Variants in HIBADH observed in about 807,000 individuals in gnomAD.
HIBADH encodes 3-hydroxyisobutyrate dehydrogenase, mitochondrial.
Under a neutral mutation model 36.1 loss-of-function variants are expected in HIBADH, and 25 were observed. That is an observed-to-expected ratio of 0.69 (90% CI 0.50 to 0.97). HIBADH has a LOEUF of 0.97. HIBADH is among the 50% of genes least tolerant of loss of function. The pLI is 0.00. For missense variants in HIBADH, 421 were observed against 418.0 expected (o/e 1.01, Z -0.06); for synonymous variants, 160 against 149.5 (o/e 1.07, Z -0.51).
At chr7:27,661,642 C>T (rs1786421378) in intron 1 of HIBADH, among the ~76,000 whole-genome samples, 1 of 149,572 alleles carries the variant, frequency 6.7e-6, no homozygotes. Flanking sequence ...AATCCTAACC[C>T]ACTATTTTTT....
chr7:27,562,010 T>C (rs951348536), intron 4 of HIBADH, among the ~76,000 whole-genome samples: 2 of 152,120 alleles, frequency 1.3e-5, no homozygotes, highest in African/African-American at 2.4e-5. Flanking sequence ...TTTAGGGGTG[T>C]GTGTCTTATA....
intron 5 of HIBADH, among the ~76,000 whole-genome samples, chr7:27,539,897 ATATT>A (rs1438157125): frequency 6.6e-6 from 1 of 152,150 alleles, no homozygotes; most frequent in African/African-American, 2.4e-5. Context: ...AAGATAAAAT[ATATT>A]TATTATTCAT....
intron 5 of HIBADH, among the ~76,000 whole-genome samples, chr7:27,538,936 G>A (rs1057206197): frequency 1.3e-5 from 2 of 152,086 alleles, no homozygotes; most frequent in Admixed American, 1.3e-4. Context: ...CCGGGGCGAA[G>A]GGTAAATATA....
intron 2 of HIBADH, among the ~76,000 whole-genome samples, chr7:27,634,892 G>C (rs889571569): frequency 6.6e-6 from 1 of 152,174 alleles, no homozygotes; most frequent in Non-Finnish European, 1.5e-5. Context: ...TGCATCCCTA[G>C]CATCTGCTTC....
chr7:27,572,224 T>C (rs1784640394), intron 4 of HIBADH, among the ~76,000 whole-genome samples: 2 of 152,238 alleles, frequency 1.3e-5, no homozygotes, highest in South Asian at 4.1e-4. Flanking sequence ...TTCAGATTAC[T>C]ACTCGATTAT....
chr7:27,543,442 T>C lies in HIBADH; in HGVS notation c.485-342A>G, dbSNP rs4722718. 7.9e-3 allele frequency among the ~76,000 whole-genome samples: 1,206 copies of C among 152,208 alleles called. 12 individuals are homozygous for C. Among genetic ancestry groups the C allele is most frequent in the African/African-American group, 0.023 (946 of 41,538 alleles). On this transcript the variant is annotated intron_variant, in intron 4 of 7. Transcript: ENST00000265395. Reference sequence around the variant, plus strand: ...TATTCTCCTAAGAAACCTACTAAGTTATAGAAAGTATACAAAAAAAAAGTT... The same window carrying C: ...TATTCTCCTAAGAAACCTACTAAGTCATAGAAAGTATACAAAAAAAAAGTT...
At position 27,625,040 on chromosome 7, in the gene HIBADH, G is replaced by A. The variant is rs572985656; in HGVS notation, c.484+4331C>T. Among the ~76,000 whole-genome samples, 217 of 152,204 alleles carry A rather than the reference G, an allele frequency of 1.4e-3. 1 individual carries two copies. The highest frequency in any genetic ancestry group is 5.0e-3 in the African/African-American group (208 of 41,510). ...GAAAAAATAGTGATGTATTTATATA[G>A]AACAATACCACAGAGCAGTTAAAAT... On this transcript the variant is annotated intron_variant, in intron 4 of 7. Coordinates refer to ENST00000265395, the MANE Select transcript of HIBADH (RefSeq NM_152740.4).
intron 4 of HIBADH, among the ~76,000 whole-genome samples, chr7:27,578,766 C>CT (rs1400680440): frequency 6.6e-6 from 1 of 152,170 alleles, no homozygotes; most frequent in Admixed American, 6.5e-5. Flanking sequence ...TAGTCAAACT[C>CT]TGCTTCCTTG....
At chr7:27,643,482 TA>T (rs1299023724) in intron 2 of HIBADH, among the ~76,000 whole-genome samples, 1 of 152,174 alleles carries the variant, frequency 6.6e-6, no homozygotes, top group Non-Finnish European at 1.5e-5. Context: ...TTAATCCCTA[TA>T]ACAAGTCTAT....
At chr7:27,579,317 A>C (rs1203540411) in intron 4 of HIBADH, among the ~76,000 whole-genome samples, 5 of 152,180 alleles carry the variant, frequency 3.3e-5, no homozygotes, top group Non-Finnish European at 7.4e-5. Flanking sequence ...ACGGGGCTGA[A>C]GGGGGCAAGA....
At chr7:27,557,493 A>G (rs80164572) in intron 4 of HIBADH, among the ~76,000 whole-genome samples, 4,704 of 152,300 alleles carry the variant, frequency 0.031, 108 homozygotes, top group South Asian at 0.093. Flanking sequence ...CAGACTGGGA[A>G]ATTTATAAAG....
intron 4 of HIBADH, among the ~76,000 whole-genome samples, chr7:27,599,911 A>C (rs1253365571): frequency 1.3e-5 from 2 of 152,118 alleles, no homozygotes; most frequent in Non-Finnish European, 2.9e-5. Context: ...AGACATAAGT[A>C]AAAGGAATGC....
At chr7:27,537,151 C>T (rs1362978239) in intron 6 of HIBADH, among the ~76,000 whole-genome samples, 2 of 152,176 alleles carry the variant, frequency 1.3e-5, no homozygotes, top group Non-Finnish European at 2.9e-5. Flanking sequence ...TCCCTATATA[C>T]TACCACTTTT....
chr7:27,645,368 A>ATGTTTTTTTTTTTTTTTTTTTTTTTTTT lies in HIBADH; in HGVS notation c.252+4104_252+4105insAAAAAAAAAAAAAAAAAAAAAAAAAACA, dbSNP rs1554300959. On this transcript the variant is annotated intron_variant, in intron 2 of 7. Coordinates refer to ENST00000265395, the MANE Select transcript of HIBADH (RefSeq NM_152740.4). ...CTAGTGGGTGTGTCTCATGGTTTTGATTTTTTTTTTTTTTTTTTTTTTTTT... is the reference window on the plus strand; with the variant it reads ...CTAGTGGGTGTGTCTCATGGTTTTGATGTTTTTTTTTTTTTTTTTTTTTTTTTTTTTTTTTTTTTTTTTTTTTTTTTTT... Among the ~76,000 whole-genome samples the ATGTTTTTTTTTTTTTTTTTTTTTTTTTT allele has an allele frequency of 5.0e-5, 3 of 59,652 alleles. 1 individual carries two copies. The highest frequency in any genetic ancestry group is 9.4e-5 in the Non-Finnish European group (3 of 31,796). 39.1% of individuals were successfully genotyped at this position (59,652 alleles called of 152,430 possible).
rs183236697 is a variant in HIBADH at position 27,526,066 on chromosome 7, G to A, written c.*148C>T. 2.3e-4 allele frequency: 130 copies of A among 558,254 alleles called. No homozygotes were observed. In the South Asian group the frequency reaches 6.2e-3, roughly 27 times the overall value. The allele number at this position is 558,254 out of a possible 1,614,324, so 34.6% of individuals were successfully genotyped here. A position where few individuals can be genotyped will look rare whatever the true frequency, so the allele number is the denominator to read the frequency against. Reference sequence around the variant, plus strand: ...TGTTAAAAAGACAAAAAGAATAAGCGGTGAAAAATCCTAGGGATTACTGTG... The same window carrying A: ...TGTTAAAAAGACAAAAAGAATAAGCAGTGAAAAATCCTAGGGATTACTGTG... On this transcript the variant is annotated 3_prime_UTR_variant, in exon 8 of 8. Coordinates refer to ENST00000265395, the MANE Select transcript of HIBADH (RefSeq NM_152740.4).
intron 4 of HIBADH, among the ~76,000 whole-genome samples, chr7:27,605,222 T>C (rs1785197995): frequency 6.6e-6 from 1 of 152,130 alleles, no homozygotes; most frequent in African/African-American, 2.4e-5. Context: ...CCTTTTTTTA[T>C]TGTGCTTTTT....
rs139498988 is a variant in HIBADH at position 27,529,627 on chromosome 7, C to G, written c.852+1565G>C. ...TGAGGAGTTGCTTCTTATGGATGAGCAAAGAAAGTGGTTTCTTGAGATGGA... is the reference window on the plus strand; with the variant it reads ...TGAGGAGTTGCTTCTTATGGATGAGGAAAGAAAGTGGTTTCTTGAGATGGA... On this transcript the variant is annotated intron_variant, in intron 7 of 7. Transcript: ENST00000265395. Among the ~76,000 whole-genome samples the G allele has an allele frequency of 7.5e-3, 1,144 of 152,280 alleles. 11 individuals carry two copies. Among genetic ancestry groups the G allele is most frequent in the Non-Finnish European group, 0.011 (756 of 68,016 alleles).
At chr7:27,660,592 G>A (rs1247023488) in intron 1 of HIBADH, among the ~76,000 whole-genome samples, 1 of 152,048 alleles carries the variant, frequency 6.6e-6, no homozygotes, top group Non-Finnish European at 1.5e-5. Context: ...GTGAACCTGG[G>A]AGGCGGAGCT....
In HIBADH at chr7:27,615,726, C is replaced by T. The variant is rs141190844; in HGVS notation, c.484+13645G>A. 2.9e-3 allele frequency among the ~76,000 whole-genome samples: 436 copies of T among 152,280 alleles called. 1 individual carries two copies. The highest frequency in any genetic ancestry group is 9.9e-3 in the African/African-American group (411 of 41,564). ...ATACTTGCTAATGAAAATAAAACAACTCCGCTACTAGTTTATGGATTTACT... is the reference window on the plus strand; with the variant it reads ...ATACTTGCTAATGAAAATAAAACAATTCCGCTACTAGTTTATGGATTTACT... On this transcript the variant is annotated intron_variant, in intron 4 of 7. Coordinates refer to ENST00000265395, the MANE Select transcript of HIBADH (RefSeq NM_152740.4).
Sources: gnomAD v4.1 joint callset for allele counts (sites outside exome capture counted in the v4.1 genomes callset) on GRCh38, gnomAD v4.1.1 for gene constraint, MANE v1.5 for transcripts, NCBI Gene and HGNC (gene_info 2026-07-23, HGNC 2026-07-21) for gene names.